Variants in KLF12 observed in about 807,000 individuals in gnomAD.
KLF12 encodes the protein Krueppel-like factor 12.
KLF12 carries 9 observed loss-of-function variants against 37.8 expected under a neutral mutation model. That is an observed-to-expected ratio of 0.24 (90% CI 0.14 to 0.42). The LOEUF is 0.42. Among genes scored for constraint, KLF12 ranks in the 10% least tolerant of loss-of-function variants. The pLI is 1.00. For missense variants in KLF12, 411 were observed against 516.0 expected, an observed-to-expected ratio of 0.80 and a Z score of 1.97; for synonymous variants, 208 against 202.1, an observed-to-expected ratio of 1.03 and a Z score of -0.25.
chr13:73,738,492 G>T (rs766159458), intron 6 of KLF12, among the ~76,000 whole-genome samples: 1 of 151,880 alleles, frequency 6.6e-6, no homozygotes, highest in Non-Finnish European at 1.5e-5. Flanking sequence ...GTTTTTCCAT[G>T]TATTTTGTGA....
chr13:73,938,922 C>A (rs1197594654), intron 3 of KLF12, among the ~76,000 whole-genome samples: 1 of 152,184 alleles, frequency 6.6e-6, no homozygotes, highest in Admixed American at 6.5e-5. Context: ...ATGGCTATGG[C>A]AAAGAGGCAT....
At chr13:73,795,359 C>T (rs1375732001) in intron 5 of KLF12, among the ~76,000 whole-genome samples, 2 of 152,186 alleles carry the variant, frequency 1.3e-5, no homozygotes, top group African/African-American at 4.8e-5. Flanking sequence ...AAGGAAATGC[C>T]TCTTGTCATG....
At chr13:74,181,010 G>A in the KLF12 span, among the ~76,000 whole-genome samples, 1 of 151,646 alleles carries the variant, frequency 6.6e-6, no homozygotes, top group East Asian at 1.9e-4. Flanking sequence ...TTTTTCTTTT[G>A]TTTTTTTTGA....
At chr13:73,882,258 T>G (rs1466480821) in intron 3 of KLF12, among the ~76,000 whole-genome samples, 1 of 152,194 alleles carries the variant, frequency 6.6e-6, no homozygotes, top group African/African-American at 2.4e-5. Context: ...TCTGTAACAT[T>G]TGAAGAAGAT....
intron 1 of KLF12, among the ~76,000 whole-genome samples, chr13:74,069,385 G>A (rs1367811162): frequency 2.0e-5 from 3 of 152,192 alleles, no homozygotes; most frequent in Non-Finnish European, 4.4e-5. Flanking sequence ...AGTCTGGAGA[G>A]AGTAGAGTTG....
intron 6 of KLF12, among the ~76,000 whole-genome samples, chr13:73,719,895 G>A (rs1246082922): frequency 6.6e-6 from 1 of 151,904 alleles, no homozygotes; most frequent in Non-Finnish European, 1.5e-5. Context: ...CACCATGCCC[G>A]GCCAAGTTTC....
chr13:74,125,504 C>T (rs981580210), intron 1 of KLF12, among the ~76,000 whole-genome samples: 1 of 152,118 alleles, frequency 6.6e-6, no homozygotes, highest in East Asian at 1.9e-4. Flanking sequence ...GTAAGTCAAA[C>T]GGATAACTGA....
chr13:74,148,069 A>T, the KLF12 span, among the ~76,000 whole-genome samples: 1 of 151,254 alleles, frequency 6.6e-6, no homozygotes, highest in Non-Finnish European at 1.5e-5. Flanking sequence ...GTACCACCAC[A>T]CCCAGCTAAT....
At chr13:74,276,292 T>G in the KLF12 span, among the ~76,000 whole-genome samples, 1 of 152,156 alleles carries the variant, frequency 6.6e-6, no homozygotes, top group Non-Finnish European at 1.5e-5. Flanking sequence ...TCTAAATTTT[T>G]TGTAGAGATG....
intron 2 of KLF12, among the ~76,000 whole-genome samples, chr13:73,974,493 C>T (rs1198403928): frequency 6.6e-6 from 1 of 152,164 alleles, no homozygotes; most frequent in Admixed American, 6.5e-5. Flanking sequence ...TACCTTTTGA[C>T]TATAAAAGAA....
chr13:73,919,799 G>A (rs534793913), intron 3 of KLF12, among the ~76,000 whole-genome samples: 1 of 152,302 alleles, frequency 6.6e-6, no homozygotes, highest in East Asian at 1.9e-4. Context: ...TTCCTCATGT[G>A]AGGTGTTCTA....
At chr13:74,279,179 T>C in the KLF12 span, among the ~76,000 whole-genome samples, 937 of 152,276 alleles carry the variant, frequency 6.2e-3, 11 homozygotes, top group African/African-American at 0.022. Context: ...GGAGAGTCTC[T>C]TCCATCACAG....
chr13:74,148,874 GC>G, the KLF12 span, among the ~76,000 whole-genome samples: 1 of 149,968 alleles, frequency 6.7e-6, no homozygotes, highest in African/African-American at 2.5e-5. Context: ...GAGTGCAGGG[GC>G]ATGACCTCGG....
chr13:74,011,245 A>C (rs898109725), intron 1 of KLF12, among the ~76,000 whole-genome samples: 13 of 151,718 alleles, frequency 8.6e-5, no homozygotes. Context: ...AGAGCAAAAA[A>C]AAAAAAAAAA....
At chr13:74,292,881 A>G in the KLF12 span, among the ~76,000 whole-genome samples, 1 of 152,224 alleles carries the variant, frequency 6.6e-6, no homozygotes, top group African/African-American at 2.4e-5. Context: ...TGTCAGGTCC[A>G]CATGAGTAGC....
At chr13:73,938,713 T>C (rs1890060144) in intron 3 of KLF12, among the ~76,000 whole-genome samples, 1 of 152,192 alleles carries the variant, frequency 6.6e-6, no homozygotes, top group African/African-American at 2.4e-5. Flanking sequence ...TCCTGCAGAA[T>C]GGTTTCTAAG....
At chr13:73,785,589 T>G (rs529806588) in intron 5 of KLF12, among the ~76,000 whole-genome samples, 15 of 152,130 alleles carry the variant, frequency 9.9e-5, no homozygotes, top group African/African-American at 3.4e-4. Flanking sequence ...AAACCAAACT[T>G]ATATACCAAA....
rs569263487 is a variant in KLF12 at position 74,017,026 on chromosome 13, G to A, written c.-31-21973C>T. Among the ~76,000 whole-genome samples the A allele has an allele frequency of 2.0e-5, 3 of 152,158 alleles. No homozygotes were observed. The East Asian group carries it at 5.8e-4, about 29-fold the overall frequency. On this transcript the variant is annotated intron_variant, in intron 1 of 7. Coordinates refer to ENST00000377669, the MANE Select transcript of KLF12 (RefSeq NM_007249.5). ...CGGACTCAAAACAGCACATGTACTC[G>A]TGGCATTCAGGGACAGTCGTCTATG...
At chr13:74,074,187 T>TG (rs1874435353) in intron 1 of KLF12, among the ~76,000 whole-genome samples, 2 of 152,170 alleles carry the variant, frequency 1.3e-5, no homozygotes, top group South Asian at 4.1e-4. Context: ...CATGCACAGA[T>TG]GCATGTGCAC....
Sources: allele counts gnomAD v4.1 joint callset (sites outside exome capture counted in the v4.1 genomes callset), GRCh38; gene constraint gnomAD v4.1.1; transcripts MANE v1.5; gene names NCBI Gene and HGNC (gene_info 2026-07-23, HGNC 2026-07-21).